CNTN5: variants seen among roughly 807,000 people sequenced by gnomAD.
The protein encoded by CNTN5 is contactin-5.
CNTN5 carries 77 observed loss-of-function variants against 129.1 expected under a neutral mutation model. The observed-to-expected ratio is 0.60, with a 90% CI of 0.50 to 0.72. CNTN5 has a LOEUF of 0.72. CNTN5 is among the 30% of genes least tolerant of loss of function. The pLI is 0.00. For synonymous variants in CNTN5, 509 were observed against 465.6 expected (o/e 1.09, Z -1.20); for missense variants, 1,478 against 1,328.8 (o/e 1.11, Z -1.75).
intron 2 of CNTN5, among the ~76,000 whole-genome samples, chr11:99,393,224 A>C (rs1489703135): frequency 3.9e-5 from 6 of 151,900 alleles, no homozygotes; most frequent in Non-Finnish European, 7.4e-5. Flanking sequence ...GCACAAACTC[A>C]GGTTACAGGA....
At chr11:99,460,845 T>C (rs540578085) in intron 2 of CNTN5, among the ~76,000 whole-genome samples, 6 of 152,136 alleles carry the variant, frequency 3.9e-5, no homozygotes, top group African/African-American at 1.4e-4. Context: ...GTAAAATACA[T>C]ATACCTCCCA....
chr11:99,667,126 T>C (rs1209127236), intron 3 of CNTN5, among the ~76,000 whole-genome samples: 1 of 152,060 alleles, frequency 6.6e-6, no homozygotes, highest in Admixed American at 6.5e-5. Context: ...TATTATTTTA[T>C]GGATTTAACA....
At chr11:99,792,438 G>C (rs948635934) in intron 3 of CNTN5, among the ~76,000 whole-genome samples, 7 of 151,774 alleles carry the variant, frequency 4.6e-5, no homozygotes, top group African/African-American at 1.5e-4. Context: ...GACTGTGGTG[G>C]GCTAGGTTTT....
chr11:99,686,323 G>A (rs1274644101), intron 3 of CNTN5, among the ~76,000 whole-genome samples: 1 of 151,888 alleles, frequency 6.6e-6, no homozygotes, highest in Non-Finnish European at 1.5e-5. Context: ...TGCTGTTGAT[G>A]AATCTTCTTT....
intron 1 of CNTN5, among the ~76,000 whole-genome samples, chr11:99,058,952 TA>T (rs1315279100): frequency 6.1e-5 from 9 of 148,592 alleles, no homozygotes; most frequent in Non-Finnish European, 1.3e-4. Context: ...ACATTATATA[TA>T]GTTATAATTT....
intron 15 of CNTN5, among the ~76,000 whole-genome samples, chr11:100,224,203 A>G (rs1436088196): frequency 6.6e-6 from 1 of 152,158 alleles, no homozygotes; most frequent in African/African-American, 2.4e-5. Flanking sequence ...CACTCTTTCA[A>G]CTGAGCACTG....
chr11:100,343,704 G>A (rs1952216345), intron 23 of CNTN5, among the ~76,000 whole-genome samples: 1 of 152,080 alleles, frequency 6.6e-6, no homozygotes, highest in African/African-American at 2.4e-5. Flanking sequence ...CCTTGGCAAG[G>A]ATCCCCACAC....
chr11:100,225,722 G>T (rs2138632137), intron 16 of CNTN5, among the ~76,000 whole-genome samples: 1 of 152,184 alleles, frequency 6.6e-6, no homozygotes, highest in South Asian at 2.1e-4. Flanking sequence ...TATATTTTGA[G>T]TAGTATGAGT....
intron 16 of CNTN5, among the ~76,000 whole-genome samples, chr11:100,252,661 T>C (rs1181705880): frequency 6.6e-6 from 1 of 152,178 alleles, no homozygotes; most frequent in Non-Finnish European, 1.5e-5. Flanking sequence ...GAACCATTTA[T>C]TGAAAAGACT....
At chr11:99,904,640 C>G (rs565222290) in intron 6 of CNTN5, among the ~76,000 whole-genome samples, 1 of 152,224 alleles carries the variant, frequency 6.6e-6, no homozygotes, top group South Asian at 2.1e-4. Context: ...GATATATAAT[C>G]CTTTTGGTAT....
chr11:99,625,412 T>C (rs913658709), intron 3 of CNTN5, among the ~76,000 whole-genome samples: 1 of 152,164 alleles, frequency 6.6e-6, no homozygotes, highest in Non-Finnish European at 1.5e-5. Flanking sequence ...AGTAACATAA[T>C]TCTTTCCCCG....
chr11:100,323,545 A>C (rs1192766169), intron 21 of CNTN5, among the ~76,000 whole-genome samples: 1 of 152,154 alleles, frequency 6.6e-6, no homozygotes, highest in Non-Finnish European at 1.5e-5. Context: ...GGGTTTGTAT[A>C]ATCATTTCAC....
chr11:99,615,506 T>G (rs975287033), intron 3 of CNTN5, among the ~76,000 whole-genome samples: 4 of 152,306 alleles, frequency 2.6e-5, no homozygotes, highest in African/African-American at 9.6e-5. Flanking sequence ...TATCCCTTCT[T>G]CTGATGATGA....
At chr11:99,781,037 T>C (rs150279597) in intron 3 of CNTN5, among the ~76,000 whole-genome samples, 1 of 152,220 alleles carries the variant, frequency 6.6e-6, no homozygotes, top group East Asian at 1.9e-4. Flanking sequence ...ATTGATCATG[T>C]TGTCTTTGTA....
rs1014225414 is a variant in CNTN5, at chr11:100,265,694, G to C, written c.2165-5398G>C. Among the ~76,000 whole-genome samples the C allele has an allele frequency of 5.3e-5, 8 of 152,204 alleles. 1 individual carries two copies. The highest frequency in any genetic ancestry group is 4.6e-4 in the Admixed American group (7 of 15,282). Reference sequence around the variant, plus strand: ...GCAAATGAAGTGAGAGGTTCCACATGAACCCTCTAGCTGAGCACATCTTGG... The same window carrying C: ...GCAAATGAAGTGAGAGGTTCCACATCAACCCTCTAGCTGAGCACATCTTGG... On this transcript the variant is annotated intron_variant, in intron 17 of 24. Coordinates refer to ENST00000524871, the MANE Select transcript of CNTN5 (RefSeq NM_014361.4).
At chr11:99,394,783 T>C (rs1333985000) in intron 2 of CNTN5, among the ~76,000 whole-genome samples, 1 of 151,672 alleles carries the variant, frequency 6.6e-6, no homozygotes, top group African/African-American at 2.4e-5. Flanking sequence ...TTATAAGTGA[T>C]AACATGTGGT....
chr11:99,386,363 G>C (rs1940926867), intron 2 of CNTN5, among the ~76,000 whole-genome samples: 1 of 152,206 alleles, frequency 6.6e-6, no homozygotes, highest in Non-Finnish European at 1.5e-5. Flanking sequence ...GAGGGCTGCG[G>C]GTTGCCCATT....
At chr11:99,026,287 C>G (rs780633139) in intron 1 of CNTN5, among the ~76,000 whole-genome samples, 3 of 151,362 alleles carry the variant, frequency 2.0e-5, no homozygotes, top group African/African-American at 4.8e-5. Flanking sequence ...TATTTTAAAA[C>G]CTTCTTCTTC....
At chr11:99,235,074 T>G (rs1274937182) in intron 1 of CNTN5, among the ~76,000 whole-genome samples, 1 of 151,894 alleles carries the variant, frequency 6.6e-6, no homozygotes, top group African/African-American at 2.4e-5. Context: ...ATCAAGTGGC[T>G]TAAAATTATA....
Sources: gnomAD v4.1 joint callset for allele counts (sites outside exome capture counted in the v4.1 genomes callset) on GRCh38, gnomAD v4.1.1 for gene constraint, MANE v1.5 for transcripts, NCBI Gene and HGNC (gene_info 2026-07-23, HGNC 2026-07-21) for gene names.